Variants in UPRT observed in about 807,000 individuals in gnomAD.
UPRT encodes the protein RP11-311P8.3.
Under a neutral mutation model 22.6 loss-of-function variants are expected in UPRT, and 5 were observed. That is an observed-to-expected ratio of 0.22 (90% confidence interval 0.12 to 0.47). The LOEUF is 0.47. Among genes scored for constraint, UPRT ranks in the 20% least tolerant of loss-of-function variants. The pLI is 0.99. For missense variants in UPRT, 181 were observed against 239.9 expected, an observed-to-expected ratio of 0.75 and a Z score of 1.62; for synonymous variants, 77 against 87.7, an observed-to-expected ratio of 0.88 and a Z score of 0.68.
At chrX:75,293,634 A>C (rs991893463) in intron 2 of UPRT, 120 bp downstream of exon 2, 2 of 706,274 alleles carry the variant, frequency 2.8e-6, no homozygotes, top group Non-Finnish European at 4.0e-6. Context: ...CTAAGTAACC[A>C]TCATCTTGCT....
chrX:75,196,084 T>C lies in UPRT; in HGVS notation c.-447+28205T>C, dbSNP rs758715893. Among the ~76,000 whole-genome samples the C allele has an allele frequency of 2.6e-3, 296 of 112,632 alleles. 1 individual carries two copies. Among genetic ancestry groups the C allele is most frequent in the African/African-American group, 8.6e-3 (268 of 31,072 alleles). The stretch of plus-strand genomic sequence containing the variant: ...GAATTTTGATAAGCACTGTATTAAG[T>C]CTGTGGATCAATCTGTAGAATATTA... On this transcript the variant is annotated intron_variant, in intron 4 of 13. Transcript: ENST00000652605.
At chrX:75,232,370 C>T (rs1335274007) in intron 4 of UPRT, among the ~76,000 whole-genome samples, 2 of 112,580 alleles carry the variant, frequency 1.8e-5, no homozygotes, top group Non-Finnish European at 3.8e-5. Flanking sequence ...GGGAGGGGCG[C>T]CTGCCATTGC....
At chrX:75,301,967 A>G (rs2082745781) in intron 6 of UPRT, among the ~76,000 whole-genome samples, 1 of 112,008 alleles carries the variant, frequency 8.9e-6, no homozygotes, top group Non-Finnish European at 1.9e-5. Context: ...TTTTCATTTT[A>G]TTTTTAAGCT....
chrX:75,288,926 T>C (rs2082693909), intron 1 of UPRT, among the ~76,000 whole-genome samples: 1 of 111,819 alleles, frequency 8.9e-6, no homozygotes. Flanking sequence ...TATGATTCTA[T>C]ACATAGAAAA....
intron 4 of UPRT, among the ~76,000 whole-genome samples, chrX:75,199,704 C>A (rs2082342445): frequency 9.0e-6 from 1 of 111,151 alleles, no homozygotes; most frequent in Admixed American, 9.5e-5. Flanking sequence ...GGGTGTAGAG[C>A]ACCAAGTGGG....
At chrX:75,210,862 T>C (rs987689577) in intron 4 of UPRT, among the ~76,000 whole-genome samples, 3 of 110,561 alleles carry the variant, frequency 2.7e-5, no homozygotes, top group Non-Finnish European at 5.7e-5. Context: ...TTGGAGGAAG[T>C]TTTTTAGATT....
At chrX:75,179,801 G>A (rs1019991914) in intron 4 of UPRT, among the ~76,000 whole-genome samples, 5 of 112,656 alleles carry the variant, frequency 4.4e-5, no homozygotes, top group Admixed American at 9.2e-5. Flanking sequence ...AGGGCTGGCT[G>A]GCTGCTCCGA....
intron 4 of UPRT, among the ~76,000 whole-genome samples, chrX:75,179,214 G>A (rs781533130): frequency 4.6e-4 from 51 of 109,917 alleles, no homozygotes; most frequent in Middle Eastern, 9.6e-3. Context: ...ACAGAGTGTC[G>A]ATTGGTGCAC....
At chrX:75,260,958 A>G (rs1038125004) in intron 4 of UPRT, among the ~76,000 whole-genome samples, 2 of 112,268 alleles carry the variant, frequency 1.8e-5, no homozygotes, top group Non-Finnish European at 3.8e-5. Flanking sequence ...CTCACACAAA[A>G]CTGCACAACT....
intron 4 of UPRT, among the ~76,000 whole-genome samples, chrX:75,254,761 C>CTTTTTTT (rs34395700): frequency 2.1e-5 from 1 of 47,954 alleles, no homozygotes; most frequent in Non-Finnish European, 3.9e-5. Flanking sequence ...AGGAAAGAAT[C>CTTTTTTT]TTTTTTTTTT....
chrX:75,183,465 T>A (rs1238420410), intron 4 of UPRT, among the ~76,000 whole-genome samples: 1 of 112,017 alleles, frequency 8.9e-6, no homozygotes, highest in African/African-American at 3.2e-5. Context: ...CTATTGTGAA[T>A]AGTGCCGCAG....
In UPRT at chrX:75,303,761, C is replaced by A. The variant is rs1261061733; in HGVS notation, c.*250C>A. On this transcript the variant is annotated 3_prime_UTR_variant, in exon 7 of 7. Coordinates refer to ENST00000373383, the MANE Select transcript of UPRT (RefSeq NM_145052.4). Reference sequence around the variant, plus strand: ...TAATATTCTAATGCAAATTACTGAACCCTCAGTGCATTAAAATTATTTCCT... The same window carrying A: ...TAATATTCTAATGCAAATTACTGAAACCTCAGTGCATTAAAATTATTTCCT... The A allele has an allele frequency of 9.9e-6, 2 of 201,857 alleles. No individual in the cohort carries two copies. The highest frequency in any genetic ancestry group is 1.2e-4 in the East Asian group (1 of 8,232). 16.6% of individuals were successfully genotyped at this position (201,857 alleles called of 1,213,427 possible).
intron 4 of UPRT, among the ~76,000 whole-genome samples, chrX:75,173,764 G>A (rs973493832): frequency 6.3e-5 from 7 of 111,698 alleles, no homozygotes; most frequent in Non-Finnish European, 1.1e-4. Flanking sequence ...GCTAAGGCTC[G>A]GTGAGAAATT....
intron 4 of UPRT, among the ~76,000 whole-genome samples, chrX:75,259,074 A>G (rs774749321): frequency 9.0e-6 from 1 of 111,730 alleles, no homozygotes; most frequent in Non-Finnish European, 1.9e-5. Context: ...GGATAGCATC[A>G]ACATCAACAA....
intron 4 of UPRT, among the ~76,000 whole-genome samples, chrX:75,249,465 G>A (rs1005974778): frequency 9.0e-6 from 1 of 111,641 alleles, no homozygotes; most frequent in East Asian, 2.8e-4. Flanking sequence ...GACAAAGAAG[G>A]CCATTACATA....
chrX:75,301,976 C>A (rs2082745810), intron 6 of UPRT, among the ~76,000 whole-genome samples: 1 of 111,644 alleles, frequency 9.0e-6, no homozygotes, highest in Non-Finnish European at 1.9e-5. Flanking sequence ...TATTTTTAAG[C>A]TTTAAATTGG....
intron 4 of UPRT, among the ~76,000 whole-genome samples, chrX:75,176,566 T>TC (rs1418841239): frequency 1.8e-5 from 2 of 111,081 alleles, no homozygotes; most frequent in Non-Finnish European, 3.8e-5. Flanking sequence ...CAAATTCCCC[T>TC]CCCCCTACAG....
At chrX:75,218,781 T>C (rs1390968362) in intron 4 of UPRT, among the ~76,000 whole-genome samples, 4 of 105,016 alleles carry the variant, frequency 3.8e-5, no homozygotes, top group Non-Finnish European at 5.8e-5. Context: ...AGTAAACTAT[T>C]GCAAGAACAA....
intron 4 of UPRT, among the ~76,000 whole-genome samples, chrX:75,247,404 G>T (rs1366482891): frequency 1.8e-5 from 2 of 111,980 alleles, no homozygotes; most frequent in African/African-American, 6.5e-5. Context: ...TTTCCAATGG[G>T]TTTAACAAAC....
Sources: gnomAD v4.1 joint callset for allele counts (sites outside exome capture counted in the v4.1 genomes callset) on GRCh38, gnomAD v4.1.1 for gene constraint, MANE v1.5 for transcripts, NCBI Gene and HGNC (gene_info 2026-07-23, HGNC 2026-07-21) for gene names.